CALCR: variants seen among roughly 807,000 people sequenced by gnomAD.
The protein encoded by CALCR is calcitonin receptor.
A neutral mutation model predicts 59.5 loss-of-function variants in CALCR; 47 were observed. That is an observed-to-expected ratio of 0.79 (90% CI 0.63 to 1.01). CALCR has a LOEUF of 1.01. Among genes scored for constraint, CALCR ranks in the 50% least tolerant of loss-of-function variants. The probability of loss-of-function intolerance (pLI) is 0.00; values close to 1 mark genes in which losing one functional copy is unlikely to be tolerated. For missense variants in CALCR, 566 were observed against 597.1 expected (o/e 0.95, Z 0.54); for synonymous variants, 213 against 211.3 (o/e 1.01, Z -0.07).
intron 2 of CALCR, among the ~76,000 whole-genome samples, chr7:93,564,084 C>T (rs1256425164): frequency 1.3e-5 from 2 of 151,436 alleles, no homozygotes; most frequent in African/African-American, 4.9e-5. Flanking sequence ...TCACAACCTA[C>T]TTTTTTTTTA....
At chr7:93,556,675 A>G (rs550894082) in intron 2 of CALCR, among the ~76,000 whole-genome samples, 1 of 150,902 alleles carries the variant, frequency 6.6e-6, no homozygotes, top group Non-Finnish European at 1.5e-5. Context: ...CTATATATAT[A>G]TATTTTTTCC....
chr7:93,451,598 T>C (rs2115763412), intron 8 of CALCR, among the ~76,000 whole-genome samples: 1 of 152,054 alleles, frequency 6.6e-6, no homozygotes, highest in East Asian at 1.9e-4. Flanking sequence ...AAAAAAATGA[T>C]GGAAAGGGTC....
At chr7:93,483,249 T>A (rs747488950) in intron 3 of CALCR, among the ~76,000 whole-genome samples, 1 of 151,730 alleles carries the variant, frequency 6.6e-6, no homozygotes, top group Non-Finnish European at 1.5e-5. Context: ...CCTAGTACAA[T>A]GTAAATATGA....
chr7:93,529,068 A>C (rs1256607559), intron 2 of CALCR, among the ~76,000 whole-genome samples: 1 of 152,242 alleles, frequency 6.6e-6, no homozygotes, highest in Non-Finnish European at 1.5e-5. Flanking sequence ...TGGACATATG[A>C]TAAATATATA....
At chr7:93,554,003 T>C (rs1317962261) in intron 2 of CALCR, among the ~76,000 whole-genome samples, 2 of 152,154 alleles carry the variant, frequency 1.3e-5, no homozygotes, top group Non-Finnish European at 2.9e-5. Flanking sequence ...AAGAAACCTA[T>C]TTGTCATTTC....
intron 9 of CALCR, among the ~76,000 whole-genome samples, chr7:93,440,049 A>G (rs1799866948): frequency 6.6e-6 from 1 of 152,140 alleles, no homozygotes; most frequent in Admixed American, 6.6e-5. Flanking sequence ...TCATTCTTTG[A>G]GATTCATTTC....
Position 93,479,476 on chromosome 7 carries a change from T to C in CALCR, c.83A>G (p.Asn28Ser). ...GGGCTCTATTGTTGGATAGGTTTGA[T>C]TTGAAAAGGCAGGAAGAATTGGGGT... is the stretch of plus-strand genomic sequence containing the variant. Reference protein sequence around the residue: ...HPTPILPAFSNQTYPTIEPKP... With the variant: ...HPTPILPAFSSQTYPTIEPKP... The change falls in exon 4 of 14, where the codon AAT becomes AGT. Residue 28 changes from asparagine to serine, a missense_variant. By Grantham distance (46) the Asn-to-Ser change is conservative. Coordinates refer to ENST00000426151, the MANE Select transcript of CALCR (RefSeq NM_001742.4). 1.2e-6 allele frequency: 2 copies of C among 1,612,408 alleles called. No individual in the cohort carries two copies. The highest frequency in any genetic ancestry group is 2.7e-5 in the African/African-American group (2 of 74,864).
Position 93,426,463 on chromosome 7 carries a change from T to C in CALCR, c.1318A>G (p.Ile440Val). Residue 440 changes from isoleucine to valine, a missense_variant, in exon 14 of 14, where the codon ATT (isoleucine) becomes GTT (valine). Transcript: ENST00000426151. ...CTCAGCTCCTGATGGCAGATGTAAATTGGGATGTCGCCAGCCTCCGCAGCA... is the reference window on the plus strand; with the variant it reads ...CTCAGCTCCTGATGGCAGATGTAAACTGGGATGTCGCCAGCCTCCGCAGCA... ...AAAAEAGDIP[I>V]YICHQELRNE... 6.2e-7 allele frequency: 1 copy of C among 1,613,954 alleles called. No homozygotes were observed. Among genetic ancestry groups the C allele is most frequent in the South Asian group, 1.1e-5 (1 of 91,084 alleles).
At chr7:93,455,412 CTCT>C (rs910771987) in intron 8 of CALCR, among the ~76,000 whole-genome samples, 51 of 150,976 alleles carry the variant, frequency 3.4e-4, no homozygotes, top group Non-Finnish European at 3.8e-4. Flanking sequence ...TTTTCTTTGT[CTCT>C]TCTTCTTCTT....
At chr7:93,451,769 T>C (rs1451229698) in intron 8 of CALCR, among the ~76,000 whole-genome samples, 1 of 152,012 alleles carries the variant, frequency 6.6e-6, no homozygotes, top group Non-Finnish European at 1.5e-5. Flanking sequence ...TTTTATTTTT[T>C]AGTTTTTTAA....
At chr7:93,505,680 G>A (rs998741718) in intron 2 of CALCR, among the ~76,000 whole-genome samples, 1 of 152,116 alleles carries the variant, frequency 6.6e-6, no homozygotes, top group African/African-American at 2.4e-5. Flanking sequence ...AAGTAGATAA[G>A]CCATGTCTAC....
intron 2 of CALCR, among the ~76,000 whole-genome samples, chr7:93,505,861 C>T (rs971788239): frequency 2.6e-5 from 4 of 152,108 alleles, no homozygotes; most frequent in Admixed American, 1.3e-4. Flanking sequence ...TTGCCAGCCC[C>T]GTGTACAGGA....
At chr7:93,443,791 A>C (rs563202976) in intron 8 of CALCR, 34 bp from the exon 9 acceptor site, 1 of 1,600,600 alleles carries the variant, frequency 6.2e-7, no homozygotes, top group South Asian at 1.1e-5. Flanking sequence ...TCAGAGAAAG[A>C]CACAGGTAAA....
intron 2 of CALCR, among the ~76,000 whole-genome samples, chr7:93,525,005 G>C (rs559197200): frequency 6.6e-6 from 1 of 152,192 alleles, no homozygotes; most frequent in South Asian, 2.1e-4. Context: ...CCTGCAACAT[G>C]CTTAGAAAAT....
chr7:93,505,396 ATGTT>A (rs1801404750), intron 2 of CALCR, among the ~76,000 whole-genome samples: 1 of 152,200 alleles, frequency 6.6e-6, no homozygotes. Flanking sequence ...GTCACGAAAG[ATGTT>A]TGAGTCAGAC....
chr7:93,478,211 T>G (rs948079116), intron 4 of CALCR, among the ~76,000 whole-genome samples: 2 of 124,072 alleles, frequency 1.6e-5, no homozygotes, highest in African/African-American at 2.7e-5. Context: ...GTTCAGTTCT[T>G]GATAAACACT....
intron 5 of CALCR, among the ~76,000 whole-genome samples, chr7:93,474,216 G>A (rs1021640333): frequency 3.3e-5 from 5 of 151,574 alleles, no homozygotes; most frequent in African/African-American, 9.7e-5. Context: ...TATATATTGG[G>A]AGTAAAAAGT....
intron 2 of CALCR, among the ~76,000 whole-genome samples, chr7:93,566,410 G>A (rs1025583418): frequency 3.9e-5 from 6 of 152,122 alleles, no homozygotes; most frequent in Non-Finnish European, 8.8e-5. Flanking sequence ...GGAGAGCTGA[G>A]TTTAAAGCCT....
intron 2 of CALCR, among the ~76,000 whole-genome samples, chr7:93,572,263 A>C (rs909769054): frequency 2.0e-5 from 3 of 152,052 alleles, no homozygotes; most frequent in East Asian, 3.9e-4. Context: ...GCGATATAAC[A>C]AACAACATTT....
Sources: gnomAD v4.1 joint callset for allele counts (sites outside exome capture counted in the v4.1 genomes callset) on GRCh38, gnomAD v4.1.1 for gene constraint, MANE v1.5 for transcripts, NCBI Gene and HGNC (gene_info 2026-07-23, HGNC 2026-07-21) for gene names.